STRN3: variants seen among roughly 807,000 people sequenced by gnomAD.
The protein encoded by STRN3 is striatin 3.
Under a neutral mutation model 95.6 loss-of-function variants are expected in STRN3, and 29 were observed. That is an observed-to-expected ratio of 0.30 (90% CI 0.23 to 0.41). STRN3 has a LOEUF of 0.41. Ranked by LOEUF, STRN3 falls within the 10% of genes least tolerant of loss-of-function variation. The pLI is 1.00. For synonymous variants in STRN3, 331 were observed against 357.6 expected (o/e 0.93, Z 0.84); for missense variants, 890 against 972.1 (o/e 0.92, Z 1.12).
At chr14:30,966,678 C>A (rs1256352274) in intron 1 of STRN3, among the ~76,000 whole-genome samples, 1 of 152,138 alleles carries the variant, frequency 6.6e-6, no homozygotes, top group Non-Finnish European at 1.5e-5. Context: ...TTCTGGAGGG[C>A]TAAATGTGTG....
intron 1 of STRN3, among the ~76,000 whole-genome samples, chr14:30,961,839 T>G (rs989872243): frequency 3.3e-5 from 5 of 152,228 alleles, no homozygotes; most frequent in Non-Finnish European, 5.9e-5. Context: ...ACTCCTGGCC[T>G]CAAGTGGTCC....
At chr14:30,953,005 T>C (rs970599365) in intron 3 of STRN3, among the ~76,000 whole-genome samples, 4 of 152,202 alleles carry the variant, frequency 2.6e-5, no homozygotes, top group Admixed American at 6.5e-5. Flanking sequence ...ATGTATATAC[T>C]GCACTATCAT....
intron 7 of STRN3, chr14:30,932,441 GCATAAAT>G (rs1433426820): frequency 4.1e-5 from 6 of 145,434 alleles, no homozygotes; most frequent in African/African-American, 1.3e-4. Context: ...TGGAAATACT[GCATAAAT>G]CACTTGACAG....
rs1555317340 is a variant in STRN3 at position 30,929,967 on chromosome 14, A to AAACAAAAAAAAAAAAAAAC, written c.989-657_989-656insGTTTTTTTTTTTTTTTGTT. Among the ~76,000 whole-genome samples, 14 of 91,210 alleles carry AAACAAAAAAAAAAAAAAAC rather than the reference A, an allele frequency of 1.5e-4. 1 individual carries two copies. Among genetic ancestry groups the AAACAAAAAAAAAAAAAAAC allele is most frequent in the South Asian group, 9.6e-4 (3 of 3,134 alleles). 59.8% of individuals were successfully genotyped at this position (91,210 alleles called of 152,430 possible). ...AACTAAGATTAGCAAAAAAAAAAAA[A>AAACAAAAAAAAAAAAAAAC]AAAAAAAAAAAACTCAAATTCCACT... On this transcript the variant is annotated intron_variant, in intron 7 of 17. Transcript: ENST00000357479.
At position 30,956,092 on chromosome 14, in the gene STRN3, A is replaced by G. The variant is rs1175691202; in HGVS notation, c.386+47T>C. ...ACAGAGTACAATGGTATACATGAGT[A>G]TACTATTGTTCTACTTTATTCATGT... On this transcript the variant is annotated intron_variant, in intron 2 of 17. Coordinates refer to ENST00000357479, the MANE Select transcript of STRN3 (RefSeq NM_001083893.2). 6 of 1,518,386 alleles carry G rather than the reference A, an allele frequency of 4.0e-6. No individual in the cohort carries two copies. In the African/African-American group the frequency reaches 5.5e-5, roughly 14 times the overall value. 94.1% of individuals were successfully genotyped at this position (1,518,386 alleles called of 1,614,324 possible).
intron 1 of STRN3, among the ~76,000 whole-genome samples, chr14:30,966,772 C>T (rs572310035): frequency 6.6e-6 from 1 of 152,188 alleles, no homozygotes; most frequent in East Asian, 1.9e-4. Flanking sequence ...GTGAGTGGGT[C>T]CTCTCCAAGG....
At chr14:30,984,857 C>CT in intron 1 of STRN3, among the ~76,000 whole-genome samples, 1 of 152,090 alleles carries the variant, frequency 6.6e-6, no homozygotes, top group Admixed American at 6.6e-5. Context: ...ATTCAGAACT[C>CT]TAACAGCTTA....
At chr14:30,907,956 A>AGAAAATAT (rs1896509756) in intron 13 of STRN3, among the ~76,000 whole-genome samples, 5 of 152,134 alleles carry the variant, frequency 3.3e-5, no homozygotes, top group Non-Finnish European at 7.4e-5. Context: ...ATGAATGACT[A>AGAAAATAT]TGCCTCATAT....
intron 1 of STRN3, among the ~76,000 whole-genome samples, chr14:30,964,846 G>T (rs919508346): frequency 2.6e-5 from 4 of 151,828 alleles, no homozygotes; most frequent in African/African-American, 4.8e-5. Flanking sequence ...CTTGAACTCG[G>T]AGGTGAAGGT....
chr14:30,916,180 C>A (rs1164879226), intron 9 of STRN3, among the ~76,000 whole-genome samples: 1 of 151,928 alleles, frequency 6.6e-6, no homozygotes, highest in Non-Finnish European at 1.5e-5. Flanking sequence ...GAATTAATTT[C>A]TATCCTATTC....
chr14:31,008,060 G>A (rs1469327748), intron 1 of STRN3, among the ~76,000 whole-genome samples: 1 of 151,836 alleles, frequency 6.6e-6, no homozygotes, highest in Non-Finnish European at 1.5e-5. Flanking sequence ...GCATGATGGC[G>A]GGTGCCTATA....
At chr14:30,978,508 A>G (rs144225194) in intron 1 of STRN3, among the ~76,000 whole-genome samples, 1 of 152,356 alleles carries the variant, frequency 6.6e-6, no homozygotes, top group African/African-American at 2.4e-5. Context: ...GCTAAATATC[A>G]TATTTAATTA....
In STRN3 at chr14:31,023,028, T is replaced by G. The variant is rs529925912; in HGVS notation, c.282+2876A>C. Among the ~76,000 whole-genome samples the G allele has an allele frequency of 2.3e-3, 355 of 152,342 alleles. 2 individuals are homozygous for G. Among genetic ancestry groups the G allele is most frequent in the Non-Finnish European group, 4.1e-3 (279 of 68,022 alleles). ...AGGGTTTTCAAAAGCTGGTCTGGAA[T>G]AGTAATTTGCAAATCCTAGTGTCTT... On this transcript the variant is annotated intron_variant, in intron 1 of 17. Coordinates refer to ENST00000357479, the MANE Select transcript of STRN3 (RefSeq NM_001083893.2).
intron 1 of STRN3, among the ~76,000 whole-genome samples, chr14:31,014,367 C>T (rs1213802746): frequency 1.3e-5 from 2 of 151,758 alleles, no homozygotes; most frequent in South Asian, 2.1e-4. Flanking sequence ...ACTACAGGCG[C>T]GTTGACACCA....
rs61756203 is a variant in STRN3 at position 30,911,072 on chromosome 14, C to A, written c.1689G>T (p.Pro563=). 6 of 1,613,986 alleles carry A rather than the reference C, an allele frequency of 3.7e-6. No individual in the cohort carries two copies. The Admixed American group carries it at 1.0e-4, about 27-fold the overall frequency. ...IDATIQWWNM[P]SPSVDPYDTY... is the part of the protein sequence containing the mutation. ...TATCATATGGATCTACACTGGGACT[C>A]GGCATATTCCACCACTGGATGGTTG... Residue 563 remains proline (P), a synonymous_variant, in exon 13 of 18, where the codon CCG becomes CCT. Coordinates refer to ENST00000357479, the MANE Select transcript of STRN3 (RefSeq NM_001083893.2).
At position 30,894,728 on chromosome 14, in the gene STRN3, G is replaced by A. The variant is rs911372137; in HGVS notation, c.*683C>T. The A allele has an allele frequency of 5.4e-6, 1 of 185,700 alleles. No individual in the cohort carries two copies. The highest frequency in any genetic ancestry group is 8.9e-5 in the South Asian group (1 of 11,234). The allele number at this position is 185,700 out of a possible 1,614,324, so 11.5% of individuals were successfully genotyped here. A position where few individuals can be genotyped will look rare whatever the true frequency, so the allele number is the denominator to read the frequency against. ...AAAGTGGTTACAGGGCAACGGGTCA[G>A]TGAGATCTCTGTGTTTTAGGGTTGT... On this transcript the variant is annotated 3_prime_UTR_variant, in exon 18 of 18. Transcript: ENST00000357479.
intron 16 of STRN3, among the ~76,000 whole-genome samples, chr14:30,898,595 T>C (rs1022774736): frequency 6.6e-6 from 1 of 152,172 alleles, no homozygotes; most frequent in Non-Finnish European, 1.5e-5. Context: ...CCAAGTTGTA[T>C]GTTGGGCTTT....
intron 1 of STRN3, among the ~76,000 whole-genome samples, chr14:31,021,484 C>T (rs905455334): frequency 1.1e-4 from 16 of 152,174 alleles, no homozygotes; most frequent in Middle Eastern, 3.4e-3. Flanking sequence ...TACTGAAGCA[C>T]TGAAATAACA....
intron 5 of STRN3, among the ~76,000 whole-genome samples, chr14:30,942,702 C>T (rs1245608650): frequency 6.6e-6 from 1 of 152,138 alleles, no homozygotes; most frequent in South Asian, 2.1e-4. Flanking sequence ...ATGCACTATA[C>T]AACCACAACC....
Sources: gnomAD v4.1 joint callset for allele counts (sites outside exome capture counted in the v4.1 genomes callset) on GRCh38, gnomAD v4.1.1 for gene constraint, MANE v1.5 for transcripts, NCBI Gene and HGNC (gene_info 2026-07-23, HGNC 2026-07-21) for gene names.